Variants in COL25A1 observed in about 807,000 individuals in gnomAD.
COL25A1 encodes collagen alpha-1(XXV) chain.
COL25A1 carries 103 observed loss-of-function variants against 128.4 expected under a neutral mutation model. The observed-to-expected ratio is 0.80, with a 90% CI of 0.68 to 0.94. COL25A1 has a LOEUF of 0.94. COL25A1 is among the 40% of genes least tolerant of loss of function. The pLI, the probability that COL25A1 is intolerant of heterozygous loss-of-function variation, is 0.00. For missense variants in COL25A1, 745 were observed against 840.0 expected, an observed-to-expected ratio of 0.89 and a Z score of 1.40; for synonymous variants, 279 against 277.2, an observed-to-expected ratio of 1.01 and a Z score of -0.06.
intron 3 of COL25A1, among the ~76,000 whole-genome samples, chr4:109,227,572 C>A (rs988967129): frequency 1.3e-5 from 2 of 150,310 alleles, no homozygotes; most frequent in South Asian, 4.1e-4. Context: ...TTGCAATTAG[C>A]GATTTTCTGC....
At chr4:108,877,746 G>C (rs1739633448) in intron 19 of COL25A1, among the ~76,000 whole-genome samples, 1 of 151,690 alleles carries the variant, frequency 6.6e-6, no homozygotes, top group African/African-American at 2.4e-5. Flanking sequence ...CTATTTTACA[G>C]AAAGGCAAGG....
At chr4:108,887,045 T>C (rs1740916192) in intron 18 of COL25A1, among the ~76,000 whole-genome samples, 1 of 152,188 alleles carries the variant, frequency 6.6e-6, no homozygotes, top group Admixed American at 6.5e-5. Flanking sequence ...TTTATAAATC[T>C]ACACACTCAC....
At position 108,841,735 on chromosome 4, in the gene COL25A1, A is replaced by C. The variant is rs766269345; in HGVS notation, c.1630-14T>G. 1 of 1,604,270 alleles carries C rather than the reference A, an allele frequency of 6.2e-7. No individual in the cohort carries two copies. Among genetic ancestry groups the C allele is most frequent in the South Asian group, 1.1e-5 (1 of 90,786 alleles). ...TCCATGAGGTCCCTGAAAATGGAAAACAGAGCTTTTAATTAAGAATTGATT... is the reference window on the plus strand; with the variant it reads ...TCCATGAGGTCCCTGAAAATGGAAACCAGAGCTTTTAATTAAGAATTGATT... On this transcript the variant is annotated splice_polypyrimidine_tract_variant and intron_variant, in intron 30 of 37. Transcript: ENST00000399132.
At chr4:109,145,031 A>C (rs1469283099) in intron 3 of COL25A1, among the ~76,000 whole-genome samples, 2 of 152,016 alleles carry the variant, frequency 1.3e-5, no homozygotes, top group Non-Finnish European at 2.9e-5. Context: ...TATGTATGAA[A>C]TGAAAGTAAG....
intron 3 of COL25A1, among the ~76,000 whole-genome samples, chr4:109,145,416 T>A (rs1167674889): frequency 6.6e-6 from 1 of 152,244 alleles, no homozygotes; most frequent in Admixed American, 6.5e-5. Flanking sequence ...TGAAGTTCAA[T>A]GAAAACTTAC....
rs545164587 is a variant in COL25A1, at chr4:108,997,984, AAG to A, written c.438+12372_438+12373del. On this transcript the variant is annotated intron_variant, in intron 6 of 37. Coordinates refer to ENST00000399132, the MANE Select transcript of COL25A1 (RefSeq NM_198721.4). ...TTAATGGAATGTATCTCAAAATAAT[AAG>A]AGATATTTATGACAAACCCACAGGC... is the stretch of plus-strand genomic sequence containing the variant. Among the ~76,000 whole-genome samples, 342 of 152,318 alleles carry A rather than the reference AAG, an allele frequency of 2.2e-3. 4 individuals are homozygous for A. Among genetic ancestry groups the A allele is most frequent in the African/African-American group, 8.0e-3 (333 of 41,556 alleles).
rs1010334432 is a variant in COL25A1, at chr4:108,941,353, G to A, written c.564+13C>T. 1 of 1,608,174 alleles carries A rather than the reference G, an allele frequency of 6.2e-7. No individual in the cohort carries two copies. The highest frequency in any genetic ancestry group is 8.5e-7 in the Non-Finnish European group (1 of 1,174,684). ...TAAAGAAGAAATCAGACTTCAGCAA[G>A]AATAAGCACTACCTTAATCAGGCGG... On this transcript the variant is annotated intron_variant, in intron 9 of 37. Coordinates refer to ENST00000399132, the MANE Select transcript of COL25A1 (RefSeq NM_198721.4).
At position 109,254,485 on chromosome 4, in the gene COL25A1, A is replaced by ATT. The variant is rs1780929265; in HGVS notation, c.367+46097_367+46098insAA. On this transcript the variant is annotated intron_variant, in intron 3 of 37. Coordinates refer to ENST00000399132, the MANE Select transcript of COL25A1 (RefSeq NM_198721.4). The stretch of plus-strand genomic sequence containing the variant: ...GGCATATGTTTATATATATATATAT[A>ATT]TATATATATATATATATATATGTAT... Among the ~76,000 whole-genome samples the ATT allele has an allele frequency of 2.0e-5, 2 of 98,906 alleles. 1 individual carries two copies. Among genetic ancestry groups the ATT allele is most frequent in the Non-Finnish European group, 3.5e-5 (2 of 57,836 alleles). 64.9% of individuals were successfully genotyped at this position (98,906 alleles called of 152,430 possible).
chr4:108,903,533 T>C (rs974692582), intron 13 of COL25A1, among the ~76,000 whole-genome samples: 1 of 152,052 alleles, frequency 6.6e-6, no homozygotes, highest in African/African-American at 2.4e-5. Context: ...ATTTTTACTA[T>C]TAAAGATAAA....
chr4:109,016,558 G>A (rs530499304), intron 5 of COL25A1, among the ~76,000 whole-genome samples: 79 of 152,362 alleles, frequency 5.2e-4, no homozygotes, highest in Admixed American at 8.5e-4. Context: ...GGATCAATCA[G>A]CACACACTTT....
At chr4:109,100,432 A>G (rs1054571482) in intron 3 of COL25A1, among the ~76,000 whole-genome samples, 1 of 150,852 alleles carries the variant, frequency 6.6e-6, no homozygotes, top group Non-Finnish European at 1.5e-5. Flanking sequence ...AAAAAAAAAG[A>G]CTGGAAACAT....
At chr4:109,135,471 T>A (rs992585367) in intron 3 of COL25A1, among the ~76,000 whole-genome samples, 1 of 152,142 alleles carries the variant, frequency 6.6e-6, no homozygotes, top group African/African-American at 2.4e-5. Context: ...GCAAAAATTT[T>A]AATACCACCT....
intron 3 of COL25A1, among the ~76,000 whole-genome samples, chr4:109,251,658 T>G (rs1349953212): frequency 2.0e-5 from 3 of 152,110 alleles, no homozygotes; most frequent in South Asian, 2.1e-4. Context: ...CATTGTTGTG[T>G]CTCCCGATAG....
chr4:109,272,557 C>G (rs554139719), intron 3 of COL25A1, among the ~76,000 whole-genome samples: 9 of 152,244 alleles, frequency 5.9e-5, no homozygotes, highest in South Asian at 2.1e-4. Flanking sequence ...ATTCATTTCC[C>G]AACTGTTCAT....
At chr4:108,914,559 T>C (rs1268179799) in intron 13 of COL25A1, among the ~76,000 whole-genome samples, 1 of 152,168 alleles carries the variant, frequency 6.6e-6, no homozygotes, top group Admixed American at 6.5e-5. Context: ...TCTACCTCTA[T>C]GTGTATTTCT....
chr4:109,236,691 TTTTA>T (rs1433509778), intron 3 of COL25A1, among the ~76,000 whole-genome samples: 3 of 152,124 alleles, frequency 2.0e-5, no homozygotes, highest in South Asian at 2.1e-4. Flanking sequence ...AGAAATGCCT[TTTTA>T]TTTGTTGTTC....
chr4:109,168,529 C>T (rs966555903), intron 3 of COL25A1, among the ~76,000 whole-genome samples: 2 of 152,104 alleles, frequency 1.3e-5, no homozygotes, highest in African/African-American at 2.4e-5. Flanking sequence ...ATAAACAATC[C>T]TTAGAACACT....
intron 3 of COL25A1, among the ~76,000 whole-genome samples, chr4:109,273,630 T>C (rs146625819): frequency 1.3e-5 from 2 of 152,326 alleles, no homozygotes; most frequent in African/African-American, 4.8e-5. Context: ...TTTCCAATAT[T>C]ATCAAAAGTA....
intron 5 of COL25A1, among the ~76,000 whole-genome samples, chr4:109,031,416 A>G (rs1168015262): frequency 1.3e-5 from 2 of 152,142 alleles, no homozygotes; most frequent in African/African-American, 2.4e-5. Flanking sequence ...GCGCCAGGCC[A>G]TGTTACAATA....
Sources: gnomAD v4.1 joint callset for allele counts (sites outside exome capture counted in the v4.1 genomes callset) on GRCh38, gnomAD v4.1.1 for gene constraint, MANE v1.5 for transcripts, NCBI Gene and HGNC (gene_info 2026-07-23, HGNC 2026-07-21) for gene names.